Variants in BBX observed in about 807,000 individuals in gnomAD.
The protein encoded by BBX is HMG box transcription factor BBX.
A neutral mutation model predicts 100.2 loss-of-function variants in BBX; 30 were observed. That is an observed-to-expected ratio of 0.30 (90% CI 0.22 to 0.41). The LOEUF (loss-of-function observed/expected upper bound fraction) is 0.41, where lower values mean the gene tolerates loss of function less well. BBX is among the 10% of genes least tolerant of loss of function. The probability of loss-of-function intolerance (pLI) is 1.00; values close to 1 mark genes in which losing one functional copy is unlikely to be tolerated. For missense variants in BBX, 1,023 were observed against 1,129.8 expected, an observed-to-expected ratio of 0.91 and a Z score of 1.35; for synonymous variants, 376 against 388.1, an observed-to-expected ratio of 0.97 and a Z score of 0.37.
At chr3:107,556,398 G>A (rs1272723991) in intron 2 of BBX, among the ~76,000 whole-genome samples, 2 of 152,094 alleles carry the variant, frequency 1.3e-5, no homozygotes. Context: ...TTTAGATGCT[G>A]GCCTTGAGTC....
intron 2 of BBX, among the ~76,000 whole-genome samples, chr3:107,608,175 T>G (rs577095918): frequency 6.6e-6 from 1 of 152,292 alleles, no homozygotes; most frequent in African/African-American, 2.4e-5. Flanking sequence ...TTTTTTTCTT[T>G]TAGTAGTTTC....
intron 13 of BBX, among the ~76,000 whole-genome samples, chr3:107,789,519 TCA>T: frequency 6.6e-6 from 1 of 152,354 alleles, no homozygotes; most frequent in East Asian, 1.9e-4. Flanking sequence ...TTGTTTCTAC[TCA>T]CTGTATCTGC....
intron 13 of BBX, among the ~76,000 whole-genome samples, chr3:107,782,258 G>A (rs1260830305): frequency 1.3e-5 from 2 of 152,086 alleles, no homozygotes; most frequent in East Asian, 1.9e-4. Flanking sequence ...ATTCAAGTCA[G>A]TAAATGCACA....
At chr3:107,748,485 T>C (rs1396391687) in intron 9 of BBX, among the ~76,000 whole-genome samples, 1 of 152,202 alleles carries the variant, frequency 6.6e-6, no homozygotes, top group Non-Finnish European at 1.5e-5. Context: ...TTCAATGTGA[T>C]GTAGCTTCAG....
intron 3 of BBX, chr3:107,677,557 C>T (rs374375179): frequency 6.6e-6 from 1 of 152,132 alleles, no homozygotes; most frequent in African/African-American, 2.4e-5. Flanking sequence ...CCTACATGCT[C>T]AGAACAGTTA....
chr3:107,638,832 C>G (rs1049698537), intron 2 of BBX, among the ~76,000 whole-genome samples: 8 of 111,904 alleles, frequency 7.1e-5, no homozygotes, highest in Non-Finnish European at 1.3e-4. Flanking sequence ...CACACACACA[C>G]AGACAAATTA....
intron 1 of BBX, 101 bp downstream of exon 1, chr3:107,523,208 C>T: frequency 4.7e-6 from 1 of 214,378 alleles, no homozygotes; most frequent in Non-Finnish European, 9.4e-6. Flanking sequence ...AAGGACTCCG[C>T]GGCAGGAGCA....
At chr3:107,603,429 A>T (rs1191247127) in intron 2 of BBX, among the ~76,000 whole-genome samples, 1 of 151,948 alleles carries the variant, frequency 6.6e-6, no homozygotes, top group East Asian at 1.9e-4. Flanking sequence ...CCCAGGCTGG[A>T]GTGCAGTGGT....
chr3:107,570,903 T>A (rs1246876099), intron 2 of BBX, among the ~76,000 whole-genome samples: 1 of 152,144 alleles, frequency 6.6e-6, no homozygotes, highest in African/African-American at 2.4e-5. Flanking sequence ...AAAGAATGCC[T>A]GGACGTCAGG....
intron 5 of BBX, among the ~76,000 whole-genome samples, chr3:107,727,617 T>C (rs1032827341): frequency 4.6e-5 from 7 of 152,174 alleles, no homozygotes; most frequent in African/African-American, 1.7e-4. Flanking sequence ...TAATGTGAAA[T>C]AATTCTACAC....
At chr3:107,601,773 A>G (rs1362206843) in intron 2 of BBX, among the ~76,000 whole-genome samples, 1 of 152,254 alleles carries the variant, frequency 6.6e-6, no homozygotes, top group Non-Finnish European at 1.5e-5. Context: ...TCTAGATAAG[A>G]CTATTGATGA....
intron 2 of BBX, among the ~76,000 whole-genome samples, chr3:107,625,991 T>C (rs1220491197): frequency 6.6e-6 from 1 of 152,112 alleles, no homozygotes; most frequent in East Asian, 1.9e-4. Flanking sequence ...AGACAAGTTA[T>C]GAAAAAAGGG....
At chr3:107,543,769 T>C (rs1324632713) in intron 2 of BBX, among the ~76,000 whole-genome samples, 2 of 152,228 alleles carry the variant, frequency 1.3e-5, no homozygotes, top group South Asian at 2.1e-4. Flanking sequence ...TTAAAAGCCA[T>C]TTCAAAGCTG....
chr3:107,772,525 GT>G, intron 10 of BBX, 102 bp from the exon 11 acceptor site: 1 of 1,239,446 alleles, frequency 8.1e-7, no homozygotes, highest in South Asian at 1.7e-5. Context: ...TTTAAAGTGT[GT>G]TTTGATTATT....
intron 3 of BBX, among the ~76,000 whole-genome samples, chr3:107,690,131 T>C (rs992297402): frequency 6.6e-6 from 1 of 152,244 alleles, no homozygotes; most frequent in Admixed American, 6.5e-5. Flanking sequence ...TCAAGTTGTA[T>C]ATTATAAAGT....
At chr3:107,562,553 CAAATT>C (rs1398182961) in intron 2 of BBX, among the ~76,000 whole-genome samples, 2 of 151,750 alleles carry the variant, frequency 1.3e-5, no homozygotes, top group Non-Finnish European at 2.9e-5. Context: ...GAATTTTAAA[CAAATT>C]AATATGTAAA....
At chr3:107,646,069 T>C (rs1049006901) in intron 3 of BBX, 160 bp downstream of exon 3, 9 of 152,374 alleles carry the variant, frequency 5.9e-5, no homozygotes, top group Admixed American at 2.0e-4. Context: ...GTGTGACTTT[T>C]ATTGATCTCC....
chr3:107,773,037 A>C lies in BBX; in HGVS notation c.1316A>C (p.Glu439Ala). Reference protein sequence around the residue: ...MCHPHGIMIIEDPAALNKPEK... With the variant: ...MCHPHGIMIIADPAALNKPEK... ...CATCCTCATGGAATTATGATCATTG[A>C]GGATCCCGCAGCATTAAACAAGCCA... Residue 439 changes from glutamate (E) to alanine (A), a missense_variant, in exon 11 of 18, where the codon GAG becomes GCG. By Grantham distance (107) the Glu-to-Ala change is moderately radical. Around this residue, in one of 9 missense-constraint regions of BBX, gnomAD observed 348 missense variants for 353.2 expected, o/e 0.99. Transcript: ENST00000325805. This position sits in a 1 kb window ranked among gnomAD's most constrained non-coding sequence, Gnocchi z 4.1. The C allele has an allele frequency of 6.2e-7, 1 of 1,614,110 alleles. No homozygotes were observed. Among genetic ancestry groups the C allele is most frequent in the Non-Finnish European group, 8.5e-7 (1 of 1,180,002 alleles).
At chr3:107,569,811 A>AG (rs1163264286) in intron 2 of BBX, among the ~76,000 whole-genome samples, 3 of 152,140 alleles carry the variant, frequency 2.0e-5, no homozygotes, top group Non-Finnish European at 4.4e-5. Flanking sequence ...TTGATTAAGA[A>AG]GGGGACGGAC....
Sources: allele counts gnomAD v4.1 joint callset (sites outside exome capture counted in the v4.1 genomes callset), GRCh38; gene constraint gnomAD v4.1.1; regional missense constraint gnomAD v4.1.1; non-coding constraint Gnocchi (gnomAD v3.1); transcripts MANE v1.5; gene names NCBI Gene and HGNC (gene_info 2026-07-23, HGNC 2026-07-21).